Variants in ROR1 observed in about 807,000 individuals in gnomAD.
The protein encoded by ROR1 is inactive tyrosine-protein kinase transmembrane receptor ROR1.
Under a neutral mutation model 78.8 loss-of-function variants are expected in ROR1, and 19 were observed. The ratio of observed to expected loss-of-function variants is 0.24; its 90% CI spans 0.17 to 0.35. ROR1 has a LOEUF of 0.35. Ranked by LOEUF, ROR1 falls within the 10% of genes least tolerant of loss-of-function variation. The pLI is 1.00. For missense variants in ROR1, 917 were observed against 1,177.8 expected (o/e 0.78, Z 3.24); for synonymous variants, 386 against 433.6 (o/e 0.89, Z 1.36).
chr1:64,154,400 A>G (rs1251863624), intron 7 of ROR1, among the ~76,000 whole-genome samples: 1 of 152,230 alleles, frequency 6.6e-6, no homozygotes, highest in Admixed American at 6.5e-5. Flanking sequence ...AGTCAAGGTT[A>G]TAATTTAAAC....
chr1:63,965,843 G>A (rs577362755), intron 1 of ROR1, among the ~76,000 whole-genome samples: 45 of 152,262 alleles, frequency 3.0e-4, no homozygotes, highest in African/African-American at 9.9e-4. Flanking sequence ...CTAAATAAAC[G>A]TCATGGGAGG....
intron 1 of ROR1, among the ~76,000 whole-genome samples, chr1:64,004,987 A>C (rs1327452781): frequency 1.3e-5 from 2 of 152,240 alleles, no homozygotes; most frequent in Non-Finnish European, 2.9e-5. Flanking sequence ...GGTTTGCTCA[A>C]ATTGGATAAA....
At chr1:63,799,163 TA>T (rs1450717916) in intron 1 of ROR1, among the ~76,000 whole-genome samples, 3 of 152,104 alleles carry the variant, frequency 2.0e-5, no homozygotes, top group African/African-American at 4.8e-5. Context: ...ATAATACATG[TA>T]AAGCCCCTGG....
intron 8 of ROR1, among the ~76,000 whole-genome samples, chr1:64,172,199 C>G (rs1354854203): frequency 3.3e-5 from 5 of 152,196 alleles, no homozygotes; most frequent in Non-Finnish European, 7.3e-5. Flanking sequence ...CAGTATCAGC[C>G]TGGTCTCTCT....
chr1:63,806,600 AG>A (rs1252583834), intron 1 of ROR1, among the ~76,000 whole-genome samples: 3 of 152,182 alleles, frequency 2.0e-5, no homozygotes, highest in Non-Finnish European at 2.9e-5. Flanking sequence ...TACAGGCGTG[AG>A]CCACCGCGCC....
At chr1:63,862,711 T>G (rs1038364616) in intron 1 of ROR1, among the ~76,000 whole-genome samples, 4 of 152,128 alleles carry the variant, frequency 2.6e-5, no homozygotes, top group African/African-American at 9.7e-5. Flanking sequence ...TGGTGTGAAT[T>G]CTGCCTCTCA....
At chr1:63,814,538 A>T (rs1256134927) in intron 1 of ROR1, among the ~76,000 whole-genome samples, 1 of 151,846 alleles carries the variant, frequency 6.6e-6, no homozygotes, top group Non-Finnish European at 1.5e-5. Flanking sequence ...TATAACTCAC[A>T]ATAATGTAGA....
At chr1:64,134,748 C>CTTTTTT (rs58315931) in intron 4 of ROR1, among the ~76,000 whole-genome samples, 1 of 131,580 alleles carries the variant, frequency 7.6e-6, no homozygotes, top group Non-Finnish European at 1.6e-5. Flanking sequence ...TTCTTTCATT[C>CTTTTTT]TTTTTTTTTT....
At chr1:64,008,444 G>A (rs963593219) in intron 1 of ROR1, among the ~76,000 whole-genome samples, 69 of 152,042 alleles carry the variant, frequency 4.5e-4, no homozygotes, top group Non-Finnish European at 6.3e-4. Flanking sequence ...GTGTCTTTTT[G>A]GTAGAATAAT....
intron 1 of ROR1, among the ~76,000 whole-genome samples, chr1:63,963,737 C>A (rs1241476023): frequency 6.6e-6 from 1 of 152,068 alleles, no homozygotes; most frequent in African/African-American, 2.4e-5. Context: ...CCAAGAAGAT[C>A]CAAGTAGAAG....
At chr1:63,883,944 C>G (rs1319142414) in intron 1 of ROR1, among the ~76,000 whole-genome samples, 5 of 152,214 alleles carry the variant, frequency 3.3e-5, no homozygotes, top group Non-Finnish European at 7.3e-5. Context: ...CCAGCTCCTA[C>G]TCCTGGTTTC....
At chr1:64,105,811 G>T (rs1647775719) in intron 4 of ROR1, 1 of 152,100 alleles carries the variant, frequency 6.6e-6, no homozygotes, top group Admixed American at 6.6e-5. Flanking sequence ...TGTTCCATTG[G>T]TCTATATGTT....
chr1:64,110,434 T>C (rs1054399930), intron 4 of ROR1, among the ~76,000 whole-genome samples: 5 of 152,128 alleles, frequency 3.3e-5, no homozygotes, highest in African/African-American at 7.2e-5. Flanking sequence ...GGGTTTTGCA[T>C]TCAGGTCAAT....
At chr1:63,990,328 G>C (rs1216372169) in intron 1 of ROR1, among the ~76,000 whole-genome samples, 2 of 152,158 alleles carry the variant, frequency 1.3e-5, no homozygotes, top group Admixed American at 6.5e-5. Context: ...CTTCAGACAT[G>C]AAAGTGTAGG....
At chr1:64,118,105 A>G (rs1485418703) in intron 4 of ROR1, among the ~76,000 whole-genome samples, 3 of 152,160 alleles carry the variant, frequency 2.0e-5, no homozygotes, top group Non-Finnish European at 4.4e-5. Context: ...CGGGAGGCTA[A>G]GGTGGGAGGA....
intron 1 of ROR1, among the ~76,000 whole-genome samples, chr1:63,841,865 A>G (rs1448245120): frequency 6.6e-6 from 1 of 152,120 alleles, no homozygotes; most frequent in Non-Finnish European, 1.5e-5. Context: ...AATGACCCCT[A>G]TATATCTTTA....
chr1:63,955,619 A>G (rs748621844), intron 1 of ROR1, among the ~76,000 whole-genome samples: 2 of 152,132 alleles, frequency 1.3e-5, no homozygotes, highest in African/African-American at 4.8e-5. Flanking sequence ...TTTTCTTCTT[A>G]TTCTTCTTCT....
At chr1:64,067,058 A>C (rs1379865224) in intron 4 of ROR1, among the ~76,000 whole-genome samples, 1 of 152,062 alleles carries the variant, frequency 6.6e-6, no homozygotes, top group Non-Finnish European at 1.5e-5. Context: ...ATTTTCATGG[A>C]AATACTTGAG....
chr1:64,090,434 A>G (rs1228924802), intron 4 of ROR1, among the ~76,000 whole-genome samples: 1 of 152,216 alleles, frequency 6.6e-6, no homozygotes, highest in Non-Finnish European at 1.5e-5. Context: ...TTAATTGTAA[A>G]AAAACTCTTT....
Sources: allele counts gnomAD v4.1 joint callset (sites outside exome capture counted in the v4.1 genomes callset), GRCh38; gene constraint gnomAD v4.1.1; transcripts MANE v1.5; gene names NCBI Gene and HGNC (gene_info 2026-07-23, HGNC 2026-07-21).